Variants in TXNDC5 observed in about 807,000 individuals in gnomAD.
TXNDC5 encodes the protein thioredoxin domain containing 5, also known as thioredoxin domain-containing protein 5.
In TXNDC5, 44 loss-of-function variants were observed where a neutral mutation model predicts 52.6. The ratio of observed to expected loss-of-function variants is 0.84; its 90% CI spans 0.66 to 1.08. The LOEUF (loss-of-function observed/expected upper bound fraction) is 1.08. TXNDC5 is among the 50% of genes least tolerant of loss of function. TXNDC5 has a pLI of 0.00. For synonymous variants in TXNDC5, 241 were observed against 234.4 expected (o/e 1.03, Z -0.26); for missense variants, 600 against 565.5 (o/e 1.06, Z -0.62).
intron 8 of TXNDC5, among the ~76,000 whole-genome samples, chr6:7,884,949 AGCATCAAGGCCAT>A (rs1759910082): frequency 6.6e-6 from 1 of 152,158 alleles, no homozygotes; most frequent in African/African-American, 2.4e-5. Context: ...ATGTGGGGTG[AGCATCAAGGCCAT>A]GATTAAGTTT....
At chr6:7,904,028 C>T (rs930224313) in intron 2 of TXNDC5, among the ~76,000 whole-genome samples, 1 of 152,214 alleles carries the variant, frequency 6.6e-6, no homozygotes, top group African/African-American at 2.4e-5. Flanking sequence ...GAGGTTCCTC[C>T]ACAGCCTTTT....
chr6:7,890,841 G>A (rs762921899), intron 5 of TXNDC5, among the ~76,000 whole-genome samples: 2 of 152,090 alleles, frequency 1.3e-5, no homozygotes, highest in Non-Finnish European at 2.9e-5. Flanking sequence ...GGGGGAGACC[G>A]AGGCGTGGAG....
chr6:7,885,677 T>C (rs1263987712), intron 8 of TXNDC5, among the ~76,000 whole-genome samples: 2 of 152,232 alleles, frequency 1.3e-5, no homozygotes, highest in Admixed American at 1.3e-4. Context: ...TTGCCTCCAT[T>C]TTTATGTTTT....
intron 8 of TXNDC5, 68 bp downstream of exon 8, chr6:7,885,893 T>G: frequency 3.0e-4 from 442 of 1,459,612 alleles, no homozygotes; most frequent in Non-Finnish European, 3.9e-4. Flanking sequence ...GGGTGGCAGA[T>G]GAGCTGAAAA....
chr6:7,902,750 G>C (rs904918069), intron 2 of TXNDC5, among the ~76,000 whole-genome samples: 6 of 152,042 alleles, frequency 3.9e-5, no homozygotes, highest in African/African-American at 1.2e-4. Context: ...GTTCATTTTT[G>C]TTCTTTTTAA....
In TXNDC5 at chr6:7,883,228, C is replaced by T. The variant is rs369864303; in HGVS notation, c.1215G>A (p.Gly405=). ...CTCCACTGTGCTCACTGACTTTCTT[C>T]CCTCCTCGGAAAAGCAATAACGTGG... ...GYPTLLLFRG[G]KKVSEHSGGR... Residue 405 remains glycine (G), a synonymous_variant, in exon 10 of 10, where the codon GGG becomes GGA. Coordinates refer to ENST00000379757, the MANE Select transcript of TXNDC5 (RefSeq NM_030810.5). 6 of 1,614,058 alleles carry T rather than the reference C, an allele frequency of 3.7e-6. No homozygotes were observed. In the African/African-American group the frequency reaches 5.3e-5, roughly 14 times the overall value.
At position 7,895,151 on chromosome 6, in the gene TXNDC5, G is replaced by C; in HGVS notation, c.571C>G (p.Leu191Val). ...AAGTTGCTTGCTGAGAGCTCATACA[G>C]CCCTTGCTTGAGCTCGGGGGCACTG... ...PPSAPELKQG[L>V]YELSASNFEL... The change falls in exon 4 of 10, where the codon CTG (leucine) becomes GTG (valine). Residue 191 changes from leucine (L) to valine (V), a missense_variant. Coordinates refer to ENST00000379757, the MANE Select transcript of TXNDC5 (RefSeq NM_030810.5). The C allele has an allele frequency of 1.2e-6, 2 of 1,613,872 alleles. No homozygotes were observed. Among genetic ancestry groups the C allele is most frequent in the Non-Finnish European group, 1.7e-6 (2 of 1,179,904 alleles).
chr6:7,895,082 C>G, intron 4 of TXNDC5, 24 bp downstream of exon 4: 1 of 1,609,876 alleles, frequency 6.2e-7, no homozygotes, highest in Non-Finnish European at 8.5e-7. Context: ...TTCTCTGAAG[C>G]TGGCATCAGG....
Position 7,883,187 on chromosome 6 carries a change from G to A in TXNDC5, c.1256C>T (p.Ser419Leu), listed in dbSNP as rs547208775. 33 of 1,614,166 alleles carry A rather than the reference G, an allele frequency of 2.0e-5. No homozygotes were observed. In the Admixed American group the frequency reaches 2.8e-4, roughly 14 times the overall value. ...TTGGCTCAGGACAAAGCGGTGTAAC[G>A]AGTCAAGGTCTCTGCCTCCACTGTG... Reference protein sequence around the residue: ...SEHSGGRDLDSLHRFVLSQAK... With the variant: ...SEHSGGRDLDLLHRFVLSQAK... The change falls in exon 10 of 10, where the codon TCG (serine) becomes TTG (leucine). Residue 419 changes from serine to leucine, a missense_variant. By Grantham distance (145) the Ser-to-Leu change is moderately radical (BLOSUM62 -2). Transcript: ENST00000379757.
At chr6:7,895,972 AAC>A (rs1760356737) in intron 3 of TXNDC5, among the ~76,000 whole-genome samples, 1 of 152,190 alleles carries the variant, frequency 6.6e-6, no homozygotes, top group East Asian at 1.9e-4. Context: ...CTGCCTGGGC[AAC>A]AGAGTGAGAC....
chr6:7,882,123 T>A lies in TXNDC5; in HGVS notation c.*1021A>T, dbSNP rs1003499128. On this transcript the variant is annotated 3_prime_UTR_variant, in exon 10 of 10. Coordinates refer to ENST00000379757, the MANE Select transcript of TXNDC5 (RefSeq NM_030810.5). Reference sequence around the variant, plus strand: ...TTCTTCATACATTAGAAGGTCGACCTCCTTGAAGCAGACCAAGTATAGCAA... The same window carrying A: ...TTCTTCATACATTAGAAGGTCGACCACCTTGAAGCAGACCAAGTATAGCAA... 9 of 152,646 alleles carry A rather than the reference T, an allele frequency of 5.9e-5. No homozygotes were observed. The highest frequency in any genetic ancestry group is 1.9e-4 in the African/African-American group (8 of 41,454). 9.5% of individuals were successfully genotyped at this position (152,646 alleles called of 1,614,324 possible).
rs749259918 is a variant in TXNDC5, at chr6:7,883,117, C to T, written c.*27G>A. On this transcript the variant is annotated 3_prime_UTR_variant, in exon 10 of 10. Coordinates refer to ENST00000379757, the MANE Select transcript of TXNDC5 (RefSeq NM_030810.5). ...CTAAACGCAGGGTGCGGGAGCTGGG[C>T]AGGAGAGGTGACCTCCAACTGTGTT... 5.0e-6 allele frequency: 8 copies of T among 1,613,876 alleles called. No homozygotes were observed. Among genetic ancestry groups the T allele is most frequent in the Admixed American group, 1.7e-5 (1 of 60,002 alleles).
At chr6:7,906,202 C>T (rs1760721941) in intron 1 of TXNDC5, among the ~76,000 whole-genome samples, 1 of 152,024 alleles carries the variant, frequency 6.6e-6, no homozygotes, top group South Asian at 2.1e-4. Flanking sequence ...GATCACACCA[C>T]TGCACTCCAG....
chr6:7,894,552 A>G (rs922420263), intron 4 of TXNDC5, among the ~76,000 whole-genome samples: 4 of 152,248 alleles, frequency 2.6e-5, no homozygotes. Context: ...CAAGTCACAC[A>G]AATTTTTTGG....
chr6:7,897,082 G>T (rs1760393959), intron 3 of TXNDC5, among the ~76,000 whole-genome samples: 1 of 152,056 alleles, frequency 6.6e-6, no homozygotes, highest in South Asian at 2.1e-4. Flanking sequence ...GATGGAAAAG[G>T]TATAAATAAC....
chr6:7,893,327 C>T (rs1290090406), intron 4 of TXNDC5, among the ~76,000 whole-genome samples: 1 of 152,240 alleles, frequency 6.6e-6, no homozygotes, highest in Non-Finnish European at 1.5e-5. Context: ...TGAAAAACTT[C>T]CTTTAAAAGT....
chr6:7,899,525 CAGGGAGAG>C (rs753006430), intron 3 of TXNDC5, 43 bp downstream of exon 3: 2 of 1,046,664 alleles, frequency 1.9e-6, no homozygotes, highest in African/African-American at 3.0e-5. Context: ...AAGATGTAGG[CAGGGAGAG>C]AGGGAGGGAG....
Position 7,899,573 on chromosome 6 carries a change from C to T in TXNDC5, c.519+3G>A. 1.2e-6 allele frequency: 2 copies of T among 1,603,368 alleles called. No homozygotes were observed. The highest frequency in any genetic ancestry group is 1.1e-5 in the South Asian group (1 of 90,672). ...GGAGGGAGGGAAGGAGGTAGACACT[C>T]ACCACTGGCTCCTCGTTCAGTGTCT... On this transcript the variant is annotated splice_donor_region_variant and intron_variant, in intron 3 of 9. Transcript: ENST00000379757.
intron 1 of TXNDC5, among the ~76,000 whole-genome samples, chr6:7,909,378 C>T (rs1258405156): frequency 7.0e-6 from 1 of 143,350 alleles, no homozygotes; most frequent in Non-Finnish European, 1.5e-5. Context: ...TCTGCTCTGG[C>T]CTGTGGTCAC....
Sources: allele counts gnomAD v4.1 joint callset (sites outside exome capture counted in the v4.1 genomes callset), GRCh38; gene constraint gnomAD v4.1.1; transcripts MANE v1.5; gene names NCBI Gene and HGNC (gene_info 2026-07-23, HGNC 2026-07-21).